GDA: variants seen among roughly 807,000 people sequenced by gnomAD.
The protein encoded by GDA is cytoplasmic PSD-95 interactor.
GDA carries 18 observed loss-of-function variants against 59.6 expected under a neutral mutation model. The ratio of observed to expected loss-of-function variants is 0.30; its 90% CI spans 0.21 to 0.45. The LOEUF (loss-of-function observed/expected upper bound fraction) is 0.45, where lower values mean the gene tolerates loss of function less well. GDA is among the 20% of genes least tolerant of loss of function. The probability of loss-of-function intolerance (pLI) is 1.00; values close to 1 mark genes in which losing one functional copy is unlikely to be tolerated. For missense variants in GDA, 427 were observed against 552.3 expected (o/e 0.77, Z 2.27); for synonymous variants, 201 against 201.1 (o/e 1.00, Z 0.00).
At chr9:72,199,482 A>T (rs576253007) in intron 2 of GDA, among the ~76,000 whole-genome samples, 32 of 152,328 alleles carry the variant, frequency 2.1e-4, no homozygotes, top group Admixed American at 1.2e-3. Flanking sequence ...AGCTACAATG[A>T]ACATGCTCAT....
intron 1 of GDA, among the ~76,000 whole-genome samples, chr9:72,161,501 C>T (rs1313864625): frequency 6.6e-6 from 1 of 152,046 alleles, no homozygotes; most frequent in Non-Finnish European, 1.5e-5. Context: ...GTTTTATGTC[C>T]TGGTGAGTAA....
chr9:72,119,844 G>A (rs1825600400), intron 1 of GDA, among the ~76,000 whole-genome samples: 1 of 152,122 alleles, frequency 6.6e-6, no homozygotes, highest in Admixed American at 6.6e-5. Flanking sequence ...TTTTTTATGA[G>A]AGACCATGGG....
chr9:72,239,910 GC>G (rs1374865085), intron 10 of GDA, among the ~76,000 whole-genome samples: 1 of 151,988 alleles, frequency 6.6e-6, no homozygotes, highest in East Asian at 1.9e-4. Context: ...TACTAAATAG[GC>G]AATTATTTTG....
At chr9:72,170,876 C>T (rs993389522) in intron 1 of GDA, among the ~76,000 whole-genome samples, 2 of 152,102 alleles carry the variant, frequency 1.3e-5, no homozygotes, top group Non-Finnish European at 2.9e-5. Context: ...AGTGCAGTGG[C>T]GCGATCATAG....
chr9:72,162,750 C>T (rs11143142), intron 1 of GDA, among the ~76,000 whole-genome samples: 50,201 of 151,652 alleles, frequency 0.33, 9,894 homozygotes, highest in Non-Finnish European at 0.44. Flanking sequence ...CTCCGCCTCC[C>T]GGGTTCACGC....
chr9:72,214,138 T>C (rs1353479433), intron 5 of GDA, 147 bp downstream of exon 5: 1 of 584,316 alleles, frequency 1.7e-6, no homozygotes, highest in Non-Finnish European at 3.1e-6. Context: ...TTTAATGCAA[T>C]GGGTCGGTTA....
intron 4 of GDA, among the ~76,000 whole-genome samples, chr9:72,212,214 G>A (rs1236368659): frequency 2.6e-5 from 4 of 152,136 alleles, no homozygotes; most frequent in Admixed American, 6.5e-5. Flanking sequence ...CAGGCGCGGT[G>A]GTTAATGCCT....
intron 1 of GDA, among the ~76,000 whole-genome samples, chr9:72,167,167 G>C (rs993941695): frequency 2.0e-5 from 3 of 152,054 alleles, no homozygotes; most frequent in Admixed American, 6.6e-5. Context: ...CCTCTCAAAA[G>C]TATCAAAGAA....
intron 2 of GDA, among the ~76,000 whole-genome samples, chr9:72,199,879 C>A (rs1211376237): frequency 1.3e-5 from 2 of 152,090 alleles, no homozygotes; most frequent in Admixed American, 6.6e-5. Context: ...CTCAGTCTTA[C>A]TCCTGAAGTC....
intron 1 of GDA, among the ~76,000 whole-genome samples, chr9:72,149,987 G>A (rs904594788): frequency 6.6e-6 from 1 of 151,140 alleles, no homozygotes; most frequent in Non-Finnish European, 1.5e-5. Context: ...CCCGCCCCCC[G>A]TTCCAATCCT....
At chr9:72,196,484 TAA>T (rs751315876) in intron 2 of GDA, among the ~76,000 whole-genome samples, 5,447 of 131,266 alleles carry the variant, frequency 0.041, 350 homozygotes, top group African/African-American at 0.14. Flanking sequence ...AAGACTCTGT[TAA>T]AAAAAAAAAA....
At chr9:72,123,482 CTTTTTTTTTTTTTT>C (rs11357949) in intron 1 of GDA, among the ~76,000 whole-genome samples, 2 of 76,656 alleles carry the variant, frequency 2.6e-5, no homozygotes, top group African/African-American at 1.0e-4. Flanking sequence ...CATGCCCGGC[CTTTTTTTTTTTTTT>C]TTTTTTTTGA....
At chr9:72,125,958 C>A (rs1825831168) in intron 1 of GDA, among the ~76,000 whole-genome samples, 1 of 152,228 alleles carries the variant, frequency 6.6e-6, no homozygotes, top group South Asian at 2.1e-4. Flanking sequence ...GCTCTGTTGC[C>A]CAGGCTGGAG....
At position 72,248,506 on chromosome 9, in the gene GDA, T is replaced by C. The variant is rs1373870330; in HGVS notation, c.*164T>C. 2 of 1,427,918 alleles carry C rather than the reference T, an allele frequency of 1.4e-6. No individual in the cohort carries two copies. The highest frequency in any genetic ancestry group is 1.8e-6 in the Non-Finnish European group (2 of 1,090,368). The allele number at this position is 1,427,918 out of a possible 1,614,324, so 88.5% of individuals were successfully genotyped here. On this transcript the variant is annotated 3_prime_UTR_variant, in exon 14 of 14. Transcript: ENST00000358399. ...CACTTGACAAATAGTTCGAAGGAAG[T>C]TGCACTAATTCTCAACTCTGGTTGA...
At chr9:72,202,050 G>A (rs147658817) in intron 2 of GDA, among the ~76,000 whole-genome samples, 3 of 152,142 alleles carry the variant, frequency 2.0e-5, no homozygotes, top group East Asian at 1.9e-4. Flanking sequence ...TCTGTAACAC[G>A]TGGGAAAAGA....
rs1437490551 is a variant in GDA, at chr9:72,232,077, G to T, written c.988+896G>T. Among the ~76,000 whole-genome samples the T allele has an allele frequency of 2.0e-5, 3 of 152,196 alleles. No homozygotes were observed. The South Asian group carries it at 6.2e-4, about 32-fold the overall frequency. On this transcript the variant is annotated intron_variant, in intron 10 of 13. Coordinates refer to ENST00000358399, the MANE Select transcript of GDA (RefSeq NM_004293.5). ...AGAGTGTGCAAGCGTTGCTTGCTTC[G>T]AAAGTGTGAGTCAGGCCCAAATTTC...
chr9:72,199,399 A>T (rs941598786), intron 2 of GDA, among the ~76,000 whole-genome samples: 11 of 152,192 alleles, frequency 7.2e-5, no homozygotes, highest in Non-Finnish European at 1.3e-4. Flanking sequence ...CACACTTCAG[A>T]TGCAATAAAT....
chr9:72,193,275 A>G (rs1587573676), intron 1 of GDA, among the ~76,000 whole-genome samples: 2 of 152,270 alleles, frequency 1.3e-5, no homozygotes, highest in South Asian at 4.1e-4. Flanking sequence ...CTTTCTTGGG[A>G]AGGCTTTCCA....
At chr9:72,178,693 C>T (rs1176450990) in intron 1 of GDA, among the ~76,000 whole-genome samples, 1 of 152,154 alleles carries the variant, frequency 6.6e-6, no homozygotes, top group African/African-American at 2.4e-5. Context: ...GCTGGGATTA[C>T]AGGCGTGAGC....
Sources: allele counts gnomAD v4.1 joint callset (sites outside exome capture counted in the v4.1 genomes callset), GRCh38; gene constraint gnomAD v4.1.1; transcripts MANE v1.5; gene names NCBI Gene and HGNC (gene_info 2026-07-23, HGNC 2026-07-21).